The following SPINT2 variants were observed in gnomAD, a reference collection of about 807,000 sequenced individuals.
The protein encoded by SPINT2 is kunitz-type protease inhibitor 2.
A neutral mutation model predicts 30.1 loss-of-function variants in SPINT2; 18 were observed. The observed-to-expected ratio is 0.60, with a 90% confidence interval of 0.41 to 0.89. The LOEUF is 0.89. Among genes scored for constraint, SPINT2 ranks in the 40% least tolerant of loss-of-function variants. The pLI is 0.00. For missense variants in SPINT2, 276 were observed against 334.3 expected (o/e 0.83, Z 1.36); for synonymous variants, 139 against 137.9 (o/e 1.01, Z -0.05).
chr19:38,279,747 G>A (rs931053915), intron 1 of SPINT2, among the ~76,000 whole-genome samples: 6 of 152,130 alleles, frequency 3.9e-5, no homozygotes, highest in South Asian at 2.1e-4. Context: ...TCCGCCTTGC[G>A]GGCTCAAGTG....
intron 1 of SPINT2, among the ~76,000 whole-genome samples, chr19:38,265,878 C>T (rs1968372250): frequency 6.6e-6 from 1 of 152,192 alleles, no homozygotes; most frequent in East Asian, 1.9e-4. Flanking sequence ...ATTCACAGAG[C>T]TAATATTCCA....
At position 38,273,557 on chromosome 19, in the gene SPINT2, C is replaced by G. The variant is rs182297463; in HGVS notation, c.106+8559C>G. 1.8e-3 allele frequency among the ~76,000 whole-genome samples: 277 copies of G among 152,326 alleles called. 1 individual carries two copies. The highest frequency in any genetic ancestry group is 2.8e-3 in the Non-Finnish European group (188 of 68,030). On this transcript the variant is annotated intron_variant, in intron 1 of 6. Transcript: ENST00000301244. ...CCCTGGTGAAAAGATGCTTGAAGTG[C>G]AAGTGCAAGTAGGTGTGGAAAGCAT... is the stretch of plus-strand genomic sequence containing the variant.
At chr19:38,289,955 C>A in intron 4 of SPINT2, 164 bp from the exon 5 acceptor site, 1 of 764,578 alleles carries the variant, frequency 1.3e-6, no homozygotes, top group Non-Finnish European at 2.2e-6. Context: ...AGGAGCAGCG[C>A]GTCAGAGCCG....
At chr19:38,275,190 C>G (rs868347321) in intron 1 of SPINT2, among the ~76,000 whole-genome samples, 1 of 152,200 alleles carries the variant, frequency 6.6e-6, no homozygotes, top group Non-Finnish European at 1.5e-5. Flanking sequence ...CTTAGAAATT[C>G]TTTTGCACAG....
chr19:38,288,065 G>A (rs895039053), intron 3 of SPINT2, 130 bp downstream of exon 3: 2 of 1,096,594 alleles, frequency 1.8e-6, no homozygotes, highest in Admixed American at 3.7e-5. Context: ...GGCAAACCGG[G>A]GGCTCTGCCT....
intron 1 of SPINT2, among the ~76,000 whole-genome samples, chr19:38,277,472 T>C (rs1329881843): frequency 1.3e-5 from 2 of 152,130 alleles, no homozygotes; most frequent in Non-Finnish European, 2.9e-5. Flanking sequence ...AGTGCTGGGA[T>C]TACAGATGTG....
chr19:38,277,775 G>A (rs1227331090), intron 1 of SPINT2, among the ~76,000 whole-genome samples: 1 of 152,118 alleles, frequency 6.6e-6, no homozygotes, highest in Non-Finnish European at 1.5e-5. Flanking sequence ...TTCATATTTC[G>A]GATAATGTGT....
chr19:38,288,021 G>A (rs1478032883), intron 3 of SPINT2, 86 bp downstream of exon 3: 10 of 1,481,308 alleles, frequency 6.8e-6, no homozygotes, highest in Non-Finnish European at 9.4e-6. Flanking sequence ...AACTGTCACA[G>A]GCTTCCCTCT....
In SPINT2 at chr19:38,290,757, T is replaced by G. The variant is rs1185070146; in HGVS notation, c.592+182T>G. 2 of 884,440 alleles carry G rather than the reference T, an allele frequency of 2.3e-6. No individual in the cohort carries two copies. Among genetic ancestry groups the G allele is most frequent in the Non-Finnish European group, 3.5e-6 (2 of 565,146 alleles). 54.8% of individuals were successfully genotyped at this position (884,440 alleles called of 1,614,324 possible). The stretch of plus-strand genomic sequence containing the variant: ...TGTCCCACCGTTCAGTGTACACAGT[T>G]GGGGCTGGAGTGAGTCAGTCACAAG... On this transcript the variant is annotated intron_variant, in intron 6 of 6. Transcript: ENST00000301244. This position sits in a 1 kb window ranked among gnomAD's most constrained non-coding sequence, Gnocchi z 4.3.
At chr19:38,276,589 C>T (rs770105566) in intron 1 of SPINT2, among the ~76,000 whole-genome samples, 14 of 151,618 alleles carry the variant, frequency 9.2e-5, no homozygotes, top group Non-Finnish European at 1.8e-4. Context: ...TTTCAGTGAG[C>T]CAAGATCGCA....
Position 38,290,701 on chromosome 19 carries a change from G to A in SPINT2, c.592+126G>A, listed in dbSNP as rs571796701. 1.5e-5 allele frequency: 20 copies of A among 1,292,614 alleles called. No homozygotes were observed. The East Asian group carries it at 3.5e-4, about 23-fold the overall frequency. The allele number at this position is 1,292,614 out of a possible 1,614,324, so 80.1% of individuals were successfully genotyped here. On this transcript the variant is annotated intron_variant, in intron 6 of 6. Transcript: ENST00000301244. The surrounding 1 kb of genome is among the most constrained non-coding windows in gnomAD (Gnocchi z 4.3). ...GAACATCATCTTGGCAGAAAGTCAT[G>A]TTTCTGCGTGAGAATGGCGAGGTGG...
chr19:38,281,249 CA>C (rs1360659943), intron 1 of SPINT2, among the ~76,000 whole-genome samples: 2 of 152,028 alleles, frequency 1.3e-5, no homozygotes, highest in East Asian at 1.9e-4. Context: ...GTGTAATGGA[CA>C]AAAGGTGCCC....
chr19:38,266,215 A>C (rs1197213621), intron 1 of SPINT2, among the ~76,000 whole-genome samples: 1 of 152,050 alleles, frequency 6.6e-6, no homozygotes, highest in African/African-American at 2.4e-5. Flanking sequence ...GAAGGAGGGG[A>C]GGACTGGAGG....
chr19:38,264,885 A>T lies in SPINT2; in HGVS notation c.-8A>T. 6.5e-7 allele frequency: 1 copy of T among 1,533,532 alleles called. No homozygotes were observed. The highest frequency in any genetic ancestry group is 8.7e-7 in the Non-Finnish European group (1 of 1,145,456). 95.0% of individuals were successfully genotyped at this position (1,533,532 alleles called of 1,614,324 possible). On this transcript the variant is annotated 5_prime_UTR_variant, in exon 1 of 7. Transcript: ENST00000301244. ...TGGCGTCGCCTGCGCGTCTCGGCTG[A>T]GCTGGCCATGGCGCAGCTGTGCGGG...
In SPINT2 at chr19:38,292,039, G is replaced by A. The variant is rs1285350548; in HGVS notation, c.*33G>A. Reference sequence around the variant, plus strand: ...GTCGCCAAGAGGACTGGGGAAGGGAGGGGAGACTATGTGTGAGCTTTTTTT... The same window carrying A: ...GTCGCCAAGAGGACTGGGGAAGGGAAGGGAGACTATGTGTGAGCTTTTTTT... On this transcript the variant is annotated 3_prime_UTR_variant, in exon 7 of 7. Coordinates refer to ENST00000301244, the MANE Select transcript of SPINT2 (RefSeq NM_021102.4). The A allele has an allele frequency of 8.7e-6, 14 of 1,612,350 alleles. 1 individual carries two copies. The South Asian group carries it at 1.5e-4, about 18-fold the overall frequency.
chr19:38,284,908 GT>G (rs2146275824), intron 2 of SPINT2, among the ~76,000 whole-genome samples: 1 of 152,150 alleles, frequency 6.6e-6, no homozygotes, highest in African/African-American at 2.4e-5. Context: ...TAGAGATGGG[GT>G]TTCGCTATGT....
intron 1 of SPINT2, among the ~76,000 whole-genome samples, chr19:38,269,599 TTTC>T (rs1435284879): frequency 6.8e-6 from 1 of 146,846 alleles, no homozygotes; most frequent in African/African-American, 2.5e-5. Context: ...TGAGATGGGA[TTTC>T]TTTTCTTTTT....
intron 2 of SPINT2, among the ~76,000 whole-genome samples, chr19:38,284,936 G>C (rs567498269): frequency 1.4e-4 from 22 of 152,154 alleles, no homozygotes; most frequent in African/African-American, 5.3e-4. Flanking sequence ...AGCTGGTCTT[G>C]AACTTCTGGC....
rs536605250 is a variant in SPINT2, at chr19:38,286,740, G to A, written c.278-1136G>A. Reference sequence around the variant, plus strand: ...GGAGCTTGCAGTGAGCTGAGATCGCGCCAGAGCACTCCAGCCTGGGCGACA... The same window carrying A: ...GGAGCTTGCAGTGAGCTGAGATCGCACCAGAGCACTCCAGCCTGGGCGACA... On this transcript the variant is annotated intron_variant, in intron 2 of 6. Coordinates refer to ENST00000301244, the MANE Select transcript of SPINT2 (RefSeq NM_021102.4). Among the ~76,000 whole-genome samples the A allele has an allele frequency of 2.7e-4, 41 of 152,276 alleles. No individual in the cohort carries two copies. The East Asian group carries it at 5.8e-3, about 22-fold the overall frequency.
Sources: allele counts gnomAD v4.1 joint callset (sites outside exome capture counted in the v4.1 genomes callset), GRCh38; gene constraint gnomAD v4.1.1; non-coding constraint Gnocchi (gnomAD v3.1); transcripts MANE v1.5; gene names NCBI Gene and HGNC (gene_info 2026-07-23, HGNC 2026-07-21).